The following RARB variants were observed in gnomAD, a reference collection of about 807,000 sequenced individuals.
RARB encodes HBV-activated protein.
A neutral mutation model predicts 51.9 loss-of-function variants in RARB; 17 were observed. The observed-to-expected ratio is 0.33, with a 90% CI of 0.22 to 0.49. RARB has a LOEUF of 0.49. RARB is among the 20% of genes least tolerant of loss of function. The pLI, the probability that RARB is intolerant of heterozygous loss-of-function variation, is 0.99. For synonymous variants in RARB, 215 were observed against 195.4 expected, an observed-to-expected ratio of 1.10 and a Z score of -0.84; for missense variants, 369 against 550.8, an observed-to-expected ratio of 0.67 and a Z score of 3.30.
chr3:25,577,850 G>C (rs962885464), intron 4 of RARB, among the ~76,000 whole-genome samples: 3 of 141,062 alleles, frequency 2.1e-5, no homozygotes, highest in African/African-American at 8.1e-5. Context: ...GCCCTGGGGG[G>C]CCATGGGCGC....
chr3:25,093,502 C>G (rs77340065), intron 3 of RARB, among the ~76,000 whole-genome samples: 1 of 144,644 alleles, frequency 6.9e-6, no homozygotes, highest in South Asian at 2.2e-4. Flanking sequence ...CCCTTCCCCC[C>G]AAACTAGAGC....
At chr3:24,902,888 T>C (rs1043875311) in intron 2 of RARB, among the ~76,000 whole-genome samples, 1 of 152,142 alleles carries the variant, frequency 6.6e-6, no homozygotes, top group Non-Finnish European at 1.5e-5. Flanking sequence ...TTAGCAAAAA[T>C]ATAAAGTACA....
intron 2 of RARB, among the ~76,000 whole-genome samples, chr3:25,023,725 G>C (rs928133603): frequency 2.6e-5 from 4 of 152,208 alleles, no homozygotes; most frequent in African/African-American, 7.2e-5. Context: ...AAAGGACAGA[G>C]TGGAAGTTTC....
chr3:25,245,018 G>A (rs1702523916), intron 5 of RARB, among the ~76,000 whole-genome samples: 1 of 152,162 alleles, frequency 6.6e-6, no homozygotes, highest in Non-Finnish European at 1.5e-5. Context: ...ATTTAGAATA[G>A]TTAGCTCTTC....
chr3:25,144,446 G>A (rs1700156297), intron 4 of RARB, among the ~76,000 whole-genome samples: 2 of 152,116 alleles, frequency 1.3e-5, no homozygotes, highest in South Asian at 4.1e-4. Context: ...AGAGTGGTAA[G>A]GGAGAAGGTC....
At chr3:25,017,670 C>T (rs1388890820) in intron 2 of RARB, among the ~76,000 whole-genome samples, 1 of 152,162 alleles carries the variant, frequency 6.6e-6, no homozygotes, top group Non-Finnish European at 1.5e-5. Context: ...ATCTTTTTCT[C>T]TTAAGGTAGA....
At chr3:25,003,113 C>T (rs574081039) in intron 2 of RARB, among the ~76,000 whole-genome samples, 2 of 151,368 alleles carry the variant, frequency 1.3e-5, no homozygotes, top group South Asian at 4.2e-4. Context: ...GATCTTGATC[C>T]TCATAGCCTT....
intron 2 of RARB, among the ~76,000 whole-genome samples, chr3:25,043,839 CA>C (rs1698160807): frequency 6.6e-6 from 1 of 152,124 alleles, no homozygotes; most frequent in African/African-American, 2.4e-5. Context: ...CAATAAAAAG[CA>C]ATCATTTCAT....
intron 5 of RARB, among the ~76,000 whole-genome samples, chr3:25,354,996 C>G (rs960922651): frequency 2.0e-5 from 3 of 152,020 alleles, no homozygotes; most frequent in African/African-American, 7.2e-5. Flanking sequence ...AGCTCTTCCA[C>G]TTCATAAGCT....
chr3:24,958,341 T>C (rs1238427553), intron 2 of RARB, among the ~76,000 whole-genome samples: 2 of 136,114 alleles, frequency 1.5e-5, no homozygotes, highest in African/African-American at 5.3e-5. Context: ...TACTCAAAAC[T>C]CATTCTCCTT....
At chr3:25,591,801 C>T (rs1398231218) in intron 5 of RARB, among the ~76,000 whole-genome samples, 2 of 152,192 alleles carry the variant, frequency 1.3e-5, no homozygotes, top group South Asian at 2.1e-4. Context: ...CGCTGCTGCA[C>T]CCTCACTCTA....
intron 5 of RARB, among the ~76,000 whole-genome samples, chr3:25,214,218 C>T (rs372315987): frequency 6.6e-6 from 1 of 152,172 alleles, no homozygotes; most frequent in African/African-American, 2.4e-5. Flanking sequence ...TGCTTTCTCA[C>T]TCTGTGCTGG....
chr3:25,550,702 C>T (rs747084422), intron 3 of RARB, among the ~76,000 whole-genome samples: 9 of 152,186 alleles, frequency 5.9e-5, no homozygotes, highest in Non-Finnish European at 1.0e-4. Flanking sequence ...AGGTATTAAG[C>T]CTCATATGCA....
intron 3 of RARB, among the ~76,000 whole-genome samples, chr3:25,507,124 A>G (rs1045025717): frequency 3.3e-5 from 5 of 152,218 alleles, no homozygotes; most frequent in South Asian, 2.1e-4. Context: ...TATTATACAG[A>G]TAGTATGATT....
chr3:25,055,391 C>G (rs1482432525), intron 2 of RARB, among the ~76,000 whole-genome samples: 1 of 152,108 alleles, frequency 6.6e-6, no homozygotes, highest in Non-Finnish European at 1.5e-5. Context: ...CAACAAGCAT[C>G]ATTGTCTAAC....
chr3:25,188,941 G>A (rs1449162543), intron 5 of RARB, among the ~76,000 whole-genome samples: 2 of 152,146 alleles, frequency 1.3e-5, no homozygotes, highest in Non-Finnish European at 2.9e-5. Flanking sequence ...TTTGAGGCCA[G>A]TGCATTAAAA....
intron 2 of RARB, among the ~76,000 whole-genome samples, chr3:24,994,538 G>A (rs1696980822): frequency 6.6e-6 from 1 of 152,002 alleles, no homozygotes; most frequent in African/African-American, 2.4e-5. Context: ...TGTTGTCTGT[G>A]CTTTTCAGGT....
intron 5 of RARB, among the ~76,000 whole-genome samples, chr3:25,238,149 C>CA (rs1559518196): frequency 8.6e-6 from 1 of 116,774 alleles, no homozygotes; most frequent in Non-Finnish European, 2.1e-5. Flanking sequence ...CATCCTCCAG[C>CA]GCCCCCCCAC....
At chr3:24,888,441 G>C (rs927787812) in intron 2 of RARB, among the ~76,000 whole-genome samples, 11 of 151,920 alleles carry the variant, frequency 7.2e-5, no homozygotes, top group African/African-American at 2.7e-4. Context: ...TATACTTTAA[G>C]TTCTAGGGTA....
Sources: gnomAD v4.1 joint callset for allele counts (sites outside exome capture counted in the v4.1 genomes callset) on GRCh38, gnomAD v4.1.1 for gene constraint, MANE v1.5 for transcripts, NCBI Gene and HGNC (gene_info 2026-07-23, HGNC 2026-07-21) for gene names.